Variants in CBLN2 observed in about 807,000 individuals in gnomAD.
CBLN2 encodes the protein cerebellin 2 precursor, also known as cerebellin-2.
In CBLN2, 7 loss-of-function variants were observed where a neutral mutation model predicts 15.0. That is an observed-to-expected ratio of 0.47 (90% CI 0.27 to 0.88). The LOEUF (loss-of-function observed/expected upper bound fraction) is 0.88, where lower values mean the gene tolerates loss of function less well. Ranked by LOEUF, CBLN2 falls within the 40% of genes least tolerant of loss-of-function variation. The probability of loss-of-function intolerance (pLI) is 0.14; values close to 1 mark genes in which losing one functional copy is unlikely to be tolerated. For synonymous variants in CBLN2, 149 were observed against 135.2 expected (o/e 1.10, Z -0.71); for missense variants, 242 against 304.5 (o/e 0.79, Z 1.53).
intron 1 of CBLN2, among the ~76,000 whole-genome samples, chr18:72,552,332 C>A (rs149287356): frequency 1.3e-5 from 2 of 152,050 alleles, no homozygotes; most frequent in Non-Finnish European, 2.9e-5. Context: ...GATCCACCTG[C>A]CTTGACCTCC....
chr18:72,558,835 C>T (rs2069242334), intron 1 of CBLN2, among the ~76,000 whole-genome samples: 1 of 152,140 alleles, frequency 6.6e-6, no homozygotes, highest in Admixed American at 6.5e-5. Context: ...CAGAAGATCA[C>T]TTGAGCCCGG....
At chr18:72,588,714 T>C (rs2069458890) in intron 1 of CBLN2, among the ~76,000 whole-genome samples, 1 of 151,956 alleles carries the variant, frequency 6.6e-6, no homozygotes, top group Non-Finnish European at 1.5e-5. Context: ...TTGGCAAAAG[T>C]GAAGCTTATC....
intron 1 of CBLN2, among the ~76,000 whole-genome samples, chr18:72,586,676 T>C (rs777333850): frequency 7.9e-5 from 12 of 152,192 alleles, no homozygotes; most frequent in Non-Finnish European, 1.6e-4. Context: ...ACTCACACAG[T>C]ACGTTAGTGA....
intron 1 of CBLN2, among the ~76,000 whole-genome samples, chr18:72,573,103 G>C (rs1227618776): frequency 1.3e-5 from 2 of 152,068 alleles, no homozygotes; most frequent in Non-Finnish European, 2.9e-5. Context: ...TAAAAGCATA[G>C]GAAAGATATC....
chr18:72,619,217 AT>A, intron 1 of CBLN2: 1 of 930,908 alleles, frequency 1.1e-6, no homozygotes, highest in Non-Finnish European at 1.7e-6. Context: ...GTGGCAGAAG[AT>A]TTTAATTACA....
At chr18:72,561,062 A>T (rs1242041462) in intron 1 of CBLN2, among the ~76,000 whole-genome samples, 3 of 152,060 alleles carry the variant, frequency 2.0e-5, no homozygotes, top group African/African-American at 7.2e-5. Flanking sequence ...ACTGTGAATA[A>T]TGTTGTGATA....
At chr18:72,612,098 A>G (rs906823725) in intron 1 of CBLN2, among the ~76,000 whole-genome samples, 2 of 151,970 alleles carry the variant, frequency 1.3e-5, no homozygotes, top group Admixed American at 1.3e-4. Context: ...GCATTGTTAT[A>G]TGTGTCTGTT....
At chr18:72,574,498 T>C (rs984175860) in intron 1 of CBLN2, among the ~76,000 whole-genome samples, 1 of 152,056 alleles carries the variant, frequency 6.6e-6, no homozygotes, top group Non-Finnish European at 1.5e-5. Flanking sequence ...AATAATTATA[T>C]CAAAAGCAGG....
At chr18:72,578,570 T>C (rs1018968958) in intron 1 of CBLN2, among the ~76,000 whole-genome samples, 11 of 152,232 alleles carry the variant, frequency 7.2e-5, no homozygotes, top group Non-Finnish European at 1.5e-4. Flanking sequence ...AGTATGCTTA[T>C]GAAGTTTTGT....
At chr18:72,583,043 A>T (rs1471483197) in intron 1 of CBLN2, among the ~76,000 whole-genome samples, 3 of 152,060 alleles carry the variant, frequency 2.0e-5, no homozygotes, top group African/African-American at 7.2e-5. Flanking sequence ...TGGGAGTGAG[A>T]ATTTGCAGAA....
At chr18:72,566,120 C>T (rs891662891) in intron 1 of CBLN2, among the ~76,000 whole-genome samples, 1 of 152,178 alleles carries the variant, frequency 6.6e-6, no homozygotes, top group African/African-American at 2.4e-5. Flanking sequence ...ACTGAGATAT[C>T]ACCTCATGTC....
At chr18:72,589,859 G>A (rs2069468065) in intron 1 of CBLN2, among the ~76,000 whole-genome samples, 1 of 152,220 alleles carries the variant, frequency 6.6e-6, no homozygotes, top group African/African-American at 2.4e-5. Context: ...GAGGTCAGCT[G>A]CAGTGGCTCA....
chr18:72,563,384 G>A (rs983599233), intron 1 of CBLN2, among the ~76,000 whole-genome samples: 28 of 152,248 alleles, frequency 1.8e-4, no homozygotes, highest in African/African-American at 6.3e-4. Flanking sequence ...TGTCAAAAAT[G>A]TAGCTTTATT....
At chr18:72,576,572 T>C (rs1023129354) in intron 1 of CBLN2, among the ~76,000 whole-genome samples, 1 of 152,188 alleles carries the variant, frequency 6.6e-6, no homozygotes, top group African/African-American at 2.4e-5. Flanking sequence ...ATTATAACAT[T>C]GTTTTCATAT....
intron 1 of CBLN2, among the ~76,000 whole-genome samples, chr18:72,601,413 T>A (rs117432981): frequency 9.3e-5 from 14 of 151,022 alleles, no homozygotes; most frequent in Non-Finnish European, 1.8e-4. Context: ...GGGAGGTGTA[T>A]GCCATGTGCC....
intron 1 of CBLN2, among the ~76,000 whole-genome samples, chr18:72,571,976 T>C (rs994611270): frequency 1.3e-5 from 2 of 152,226 alleles, no homozygotes; most frequent in African/African-American, 4.8e-5. Flanking sequence ...ATACCTTGAA[T>C]ATACAATACA....
intron 1 of CBLN2, among the ~76,000 whole-genome samples, chr18:72,560,034 T>G (rs2069250208): frequency 6.6e-6 from 1 of 152,184 alleles, no homozygotes; most frequent in African/African-American, 2.4e-5. Context: ...AGGAAGGAGC[T>G]CATCAAACAG....
At chr18:72,548,180 G>A (rs7232530), upstream of CBLN2, among the ~76,000 whole-genome samples, 19,025 of 152,200 alleles carry the variant, frequency 0.12, 3,007 homozygotes, top group African/African-American at 0.37. Context: ...GTGCCACTAA[G>A]CTGCCTTCCA....
chr18:72,545,988 C>G (rs1022059135), upstream of CBLN2, among the ~76,000 whole-genome samples: 1 of 152,086 alleles, frequency 6.6e-6, no homozygotes, highest in African/African-American at 2.4e-5. Context: ...ACTTATTGGA[C>G]TAAGTTATTG....
Sources: gnomAD v4.1 joint callset for allele counts (sites outside exome capture counted in the v4.1 genomes callset) on GRCh38, gnomAD v4.1.1 for gene constraint, MANE v1.5 for transcripts, NCBI Gene and HGNC (gene_info 2026-07-23, HGNC 2026-07-21) for gene names.